The following SORCS3 variants were observed in gnomAD, a reference collection of about 807,000 sequenced individuals.
The protein encoded by SORCS3 is sortilin related VPS10 domain containing receptor 3.
A neutral mutation model predicts 146.3 loss-of-function variants in SORCS3; 57 were observed. The observed-to-expected ratio is 0.39, with a 90% confidence interval of 0.31 to 0.49. The LOEUF is 0.49. Ranked by LOEUF, SORCS3 falls within the 20% of genes least tolerant of loss-of-function variation. SORCS3 has a pLI of 0.92. For missense variants in SORCS3, 1,341 were observed against 1,575.5 expected, an observed-to-expected ratio of 0.85 and a Z score of 2.52; for synonymous variants, 653 against 618.5, an observed-to-expected ratio of 1.06 and a Z score of -0.83.
intron 1 of SORCS3, among the ~76,000 whole-genome samples, chr10:104,797,888 AAC>A (rs936058903): frequency 1.4e-4 from 21 of 152,270 alleles, no homozygotes; most frequent in African/African-American, 3.8e-4. Flanking sequence ...AATAAAGAAA[AAC>A]ACATACTCAC....
At chr10:104,878,852 CAT>C (rs1165636706) in intron 2 of SORCS3, among the ~76,000 whole-genome samples, 9 of 152,108 alleles carry the variant, frequency 5.9e-5, no homozygotes, top group African/African-American at 1.9e-4. Flanking sequence ...TTCTAGGAAA[CAT>C]AGGCATAGAT....
At chr10:105,112,937 CAT>C (rs1322488698) in intron 7 of SORCS3, among the ~76,000 whole-genome samples, 1 of 152,128 alleles carries the variant, frequency 6.6e-6, no homozygotes, top group Non-Finnish European at 1.5e-5. Flanking sequence ...CTAACAGAGA[CAT>C]ATAACTGAGA....
intron 1 of SORCS3, among the ~76,000 whole-genome samples, chr10:104,721,690 C>A (rs1432251102): frequency 6.6e-6 from 1 of 152,128 alleles, no homozygotes; most frequent in Non-Finnish European, 1.5e-5. Flanking sequence ...AGAGGTCCTT[C>A]ACGTCCCTTA....
chr10:104,832,750 T>TAAACAAAC (rs58541807), intron 1 of SORCS3, among the ~76,000 whole-genome samples: 28 of 151,862 alleles, frequency 1.8e-4, no homozygotes, highest in Middle Eastern at 6.8e-3. Flanking sequence ...AATAAATAAA[T>TAAACAAAC]GAACGAACGA....
chr10:104,834,563 C>A (rs10786822), intron 1 of SORCS3, among the ~76,000 whole-genome samples: 50,806 of 150,044 alleles, frequency 0.34, 10,582 homozygotes, highest in East Asian at 0.72. Context: ...TCATTCCCCA[C>A]CTGCCACCCC....
chr10:104,755,535 G>C (rs553513281), intron 1 of SORCS3, among the ~76,000 whole-genome samples: 13 of 152,322 alleles, frequency 8.5e-5, no homozygotes, highest in Non-Finnish European at 1.8e-4. Context: ...GAAAGTGGCA[G>C]AGTAGTTAAG....
chr10:105,263,549 A>G lies in SORCS3; in HGVS notation c.*175A>G, dbSNP rs2056974204. The G allele has an allele frequency of 3.3e-6, 2 of 610,072 alleles. No individual in the cohort carries two copies. 37.8% of individuals were successfully genotyped at this position (610,072 alleles called of 1,614,324 possible). On this transcript the variant is annotated 3_prime_UTR_variant, in exon 27 of 27. Transcript: ENST00000369701. ...AGAAAAGGGCATTCTTAGCTGATTG[A>G]AATGAGACAAAGGGAATAAATGGCT...
chr10:104,928,381 C>A (rs2019171489), intron 3 of SORCS3, among the ~76,000 whole-genome samples: 1 of 152,148 alleles, frequency 6.6e-6, no homozygotes, highest in African/African-American at 2.4e-5. Context: ...CAAGCAAGAG[C>A]AATTTTAGCA....
chr10:104,647,699 A>G (rs2015511368), intron 1 of SORCS3, among the ~76,000 whole-genome samples: 1 of 152,230 alleles, frequency 6.6e-6, no homozygotes, highest in Non-Finnish European at 1.5e-5. Flanking sequence ...AGAGGAAAGA[A>G]GATCATTTTG....
At chr10:104,742,371 G>A (rs2016858632) in intron 1 of SORCS3, among the ~76,000 whole-genome samples, 1 of 152,324 alleles carries the variant, frequency 6.6e-6, no homozygotes, top group East Asian at 1.9e-4. Context: ...AGCCAGCGGG[G>A]CAGCATAGAA....
chr10:104,915,143 G>A (rs1376039374), intron 2 of SORCS3, among the ~76,000 whole-genome samples: 1 of 152,126 alleles, frequency 6.6e-6, no homozygotes, highest in African/African-American at 2.4e-5. Flanking sequence ...TTTTGGCATA[G>A]GTCAGTGTGC....
intron 8 of SORCS3, 146 bp from the exon 9 acceptor site, chr10:105,147,471 C>A: frequency 5.1e-6 from 3 of 589,400 alleles, no homozygotes; most frequent in South Asian, 6.7e-5. Flanking sequence ...TAATTTATAG[C>A]CTTGGTTCAA....
chr10:105,246,927 G>A (rs547667306), intron 21 of SORCS3, among the ~76,000 whole-genome samples: 3 of 152,294 alleles, frequency 2.0e-5, no homozygotes, highest in South Asian at 2.1e-4. Flanking sequence ...AGTAGCAGAC[G>A]TCTCCTTCTG....
intron 5 of SORCS3, among the ~76,000 whole-genome samples, chr10:105,044,639 T>G (rs1054659382): frequency 6.6e-6 from 1 of 152,234 alleles, no homozygotes; most frequent in Admixed American, 6.5e-5. Flanking sequence ...AAAACTATGT[T>G]TAGATTTTAA....
chr10:105,174,218 G>C (rs1227420745), intron 13 of SORCS3, among the ~76,000 whole-genome samples: 1 of 152,062 alleles, frequency 6.6e-6, no homozygotes, highest in East Asian at 1.9e-4. Flanking sequence ...ACTATTTGGA[G>C]ATCAATTGGA....
At chr10:105,225,388 T>C (rs921841801) in intron 20 of SORCS3, among the ~76,000 whole-genome samples, 1 of 152,052 alleles carries the variant, frequency 6.6e-6, no homozygotes, top group Admixed American at 6.6e-5. Context: ...AATAAGTTGA[T>C]TACACTTATG....
intron 6 of SORCS3, among the ~76,000 whole-genome samples, chr10:105,096,103 T>TACACACAC (rs60438282): frequency 0.027 from 3,938 of 145,234 alleles, 78 homozygotes; most frequent in East Asian, 0.11. Context: ...ACCTCACAAA[T>TACACACAC]ACACACACAC....
At chr10:104,707,186 A>G (rs1420797792) in intron 1 of SORCS3, among the ~76,000 whole-genome samples, 1 of 152,174 alleles carries the variant, frequency 6.6e-6, no homozygotes, top group Non-Finnish European at 1.5e-5. Context: ...TGTGGGTACA[A>G]AATCTGGCTC....
chr10:104,876,502 G>C (rs931298832), intron 2 of SORCS3, among the ~76,000 whole-genome samples: 1 of 152,198 alleles, frequency 6.6e-6, no homozygotes, highest in Non-Finnish European at 1.5e-5. Context: ...AAAGCTTTCT[G>C]ATCCTTCCAG....
Sources: gnomAD v4.1 joint callset for allele counts (sites outside exome capture counted in the v4.1 genomes callset) on GRCh38, gnomAD v4.1.1 for gene constraint, MANE v1.5 for transcripts, NCBI Gene and HGNC (gene_info 2026-07-23, HGNC 2026-07-21) for gene names.